Variants in TEX2 observed in about 807,000 individuals in gnomAD.
The protein encoded by TEX2 is testis expressed 2, also known as testis-expressed protein 2.
A neutral mutation model predicts 106.9 loss-of-function variants in TEX2; 53 were observed. That is an observed-to-expected ratio of 0.50 (90% CI 0.40 to 0.62). The LOEUF is 0.62. TEX2 is among the 20% of genes least tolerant of loss of function. TEX2 has a pLI of 0.00. For missense variants in TEX2, 1,207 were observed against 1,379.0 expected (o/e 0.88, Z 1.98); for synonymous variants, 523 against 534.8 (o/e 0.98, Z 0.30).
intron 1 of TEX2, among the ~76,000 whole-genome samples, chr17:64,243,125 C>T (rs1055448253): frequency 4.6e-5 from 7 of 151,720 alleles, no homozygotes; most frequent in Non-Finnish European, 1.0e-4. Flanking sequence ...GACGGGATTT[C>T]ACCATATTGG....
intron 1 of TEX2, among the ~76,000 whole-genome samples, chr17:64,250,156 T>G (rs1555636768): frequency 6.6e-6 from 1 of 152,110 alleles, no homozygotes; most frequent in African/African-American, 2.4e-5. Flanking sequence ...GAAACTGGGG[T>G]GGCCACATCA....
Position 64,169,341 on chromosome 17 carries a change from T to C in TEX2, c.2671+1759A>G, listed in dbSNP as rs373153192. On this transcript the variant is annotated intron_variant, in intron 7 of 11. Transcript: ENST00000584379. Reference sequence around the variant, plus strand: ...GGCGTGAGCCACCGCACTCAGCCAATGCATCTTTTACAATTTTGCATGGGG... The same window carrying C: ...GGCGTGAGCCACCGCACTCAGCCAACGCATCTTTTACAATTTTGCATGGGG... 4.1e-4 allele frequency among the ~76,000 whole-genome samples: 63 copies of C among 152,274 alleles called. 1 individual carries two copies. The highest frequency in any genetic ancestry group is 3.4e-3 in the Middle Eastern group (1 of 294).
chr17:64,156,822 G>A (rs543356380), intron 8 of TEX2, among the ~76,000 whole-genome samples: 63 of 152,342 alleles, frequency 4.1e-4, no homozygotes, highest in African/African-American at 1.5e-3. Flanking sequence ...GGACCCCAGT[G>A]AGATCTGCTG....
chr17:64,234,139 T>C (rs2033717303), intron 1 of TEX2, among the ~76,000 whole-genome samples: 4 of 152,180 alleles, frequency 2.6e-5, no homozygotes, highest in African/African-American at 9.7e-5. Context: ...GAAAAAAGTG[T>C]TTCTCAGCAG....
chr17:64,193,115 T>C (rs1598163055), intron 4 of TEX2, among the ~76,000 whole-genome samples: 1 of 152,324 alleles, frequency 6.6e-6, no homozygotes, highest in Admixed American at 6.5e-5. Flanking sequence ...TCAATCCGAA[T>C]GACCACGATC....
intron 7 of TEX2, among the ~76,000 whole-genome samples, chr17:64,164,490 A>G (rs995048075): frequency 3.3e-5 from 5 of 151,890 alleles, no homozygotes; most frequent in Non-Finnish European, 5.9e-5. Flanking sequence ...ATGTAGTAAG[A>G]CTTAGTCTGT....
At chr17:64,258,759 G>C (rs2034232905) in intron 1 of TEX2, among the ~76,000 whole-genome samples, 1 of 101,548 alleles carries the variant, frequency 9.8e-6, no homozygotes, top group Non-Finnish European at 2.0e-5. Flanking sequence ...TTTTGGAAGA[G>C]AGACTTTTTT....
At chr17:64,238,394 T>C (rs9908868) in intron 1 of TEX2, among the ~76,000 whole-genome samples, 9,748 of 152,330 alleles carry the variant, frequency 0.064, 1,059 homozygotes, top group African/African-American at 0.22. Flanking sequence ...GAAAGTTAAT[T>C]CCATCTACTA....
intron 2 of TEX2, among the ~76,000 whole-genome samples, chr17:64,209,400 G>T (rs2032931680): frequency 6.6e-6 from 1 of 152,090 alleles, no homozygotes; most frequent in Admixed American, 6.5e-5. Flanking sequence ...CCCAACAAAA[G>T]ACTTCAGGCT....
At chr17:64,209,732 A>G (rs2032939330) in intron 2 of TEX2, among the ~76,000 whole-genome samples, 2 of 152,224 alleles carry the variant, frequency 1.3e-5, no homozygotes, top group South Asian at 2.1e-4. Flanking sequence ...GTGGGCCTCC[A>G]TCTGCATGAG....
rs2032719127 is a variant in TEX2, at chr17:64,203,022, G to A, written c.1645-7927C>T. Among the ~76,000 whole-genome samples the A allele has an allele frequency of 2.0e-5, 3 of 152,270 alleles. No individual in the cohort carries two copies. In the South Asian group the frequency reaches 6.2e-4, roughly 32 times the overall value. On this transcript the variant is annotated intron_variant, in intron 2 of 11. Coordinates refer to ENST00000584379, the MANE Select transcript of TEX2 (RefSeq NM_001288732.2). ...GTACAAAACCACAATCTATAAAGGG[G>A]CCATTTAATATTTTAAAAGATTAAA...
chr17:64,233,739 A>T (rs1363526307), intron 1 of TEX2, among the ~76,000 whole-genome samples: 1 of 152,230 alleles, frequency 6.6e-6, no homozygotes, highest in Non-Finnish European at 1.5e-5. Flanking sequence ...AGTGCTTTCT[A>T]ACAGGCTATT....
At position 64,213,338 on chromosome 17, in the gene TEX2, G is replaced by A. The variant is rs1555631986; in HGVS notation, c.880C>T (p.Leu294Phe). Residue 294 changes from leucine to phenylalanine, a missense_variant, in exon 2 of 12, where the codon CTT (leucine) becomes TTT (phenylalanine). This residue lies in a region of TEX2 where 1,067 missense variants were observed against 1,193.6 expected (regional missense o/e 0.89). Coordinates refer to ENST00000584379, the MANE Select transcript of TEX2 (RefSeq NM_001288732.2). The surrounding 1 kb of genome is among the most constrained non-coding windows in gnomAD (Gnocchi z 4.4). ...AAAGGCTCATAGATGACTTCTGAAA[G>A]GCGTCGTTTAGTATCTTCAATTTTA... Reference protein sequence around the residue: ...EAKIEDTKRRLSEVIYEPFQL... With the variant: ...EAKIEDTKRRFSEVIYEPFQL... The A allele has an allele frequency of 6.2e-7, 1 of 1,614,010 alleles. No individual in the cohort carries two copies. Among genetic ancestry groups the A allele is most frequent in the Admixed American group, 1.7e-5 (1 of 60,028 alleles).
intron 5 of TEX2, among the ~76,000 whole-genome samples, chr17:64,180,510 A>C (rs918950370): frequency 3.9e-5 from 6 of 152,238 alleles, no homozygotes; most frequent in African/African-American, 1.4e-4. Flanking sequence ...TGCATCAAAG[A>C]AGCTTTTATG....
At chr17:64,219,736 A>G (rs1210262570) in intron 1 of TEX2, among the ~76,000 whole-genome samples, 2 of 152,120 alleles carry the variant, frequency 1.3e-5, no homozygotes, top group African/African-American at 4.8e-5. Flanking sequence ...AAAAGAAAAC[A>G]TGAGGAACAG....
intron 5 of TEX2, 145 bp downstream of exon 5, chr17:64,188,023 A>T: frequency 1.1e-6 from 1 of 891,226 alleles, no homozygotes; most frequent in South Asian, 1.7e-5. Context: ...TGAGTAGATT[A>T]CAAGTTCCCC....
At chr17:64,192,395 G>A (rs2032331481) in intron 4 of TEX2, among the ~76,000 whole-genome samples, 3 of 152,204 alleles carry the variant, frequency 2.0e-5, no homozygotes, top group Admixed American at 1.3e-4. Context: ...GGCCAGTGTG[G>A]AGTGATGCGG....
Position 64,188,205 on chromosome 17 carries a change from A to G in TEX2, c.2387T>C (p.Leu796Pro), listed in dbSNP as rs1567927350. ...TGTGGGGCTGCTCTCCGCACTCTGC[A>G]GGGGGCTCCTCTGGGGGCTTCGGCT... ...QESRSPQRSP[L>P]QSAESSPTAG... is the part of the protein sequence containing the mutation. The change falls in exon 5 of 12, where the codon CTG (leucine) becomes CCG (proline). Residue 796 changes from leucine to proline, a missense_variant. Around this residue, in one of 3 missense-constraint regions of TEX2, gnomAD observed 1,067 missense variants for 1,193.6 expected, o/e 0.89. Coordinates refer to ENST00000584379, the MANE Select transcript of TEX2 (RefSeq NM_001288732.2). 3 of 1,612,144 alleles carry G rather than the reference A, an allele frequency of 1.9e-6. No homozygotes were observed. The highest frequency in any genetic ancestry group is 2.5e-6 in the Non-Finnish European group (3 of 1,180,012).
intron 5 of TEX2, 50 bp downstream of exon 5, chr17:64,188,117 AT>A: frequency 1.3e-6 from 2 of 1,578,560 alleles, no homozygotes; most frequent in Non-Finnish European, 1.7e-6. Flanking sequence ...GCATGAAGAA[AT>A]GTGTCTAAGT....
Sources: allele counts gnomAD v4.1 joint callset (sites outside exome capture counted in the v4.1 genomes callset), GRCh38; gene constraint gnomAD v4.1.1; regional missense constraint gnomAD v4.1.1; non-coding constraint Gnocchi (gnomAD v3.1); transcripts MANE v1.5; gene names NCBI Gene and HGNC (gene_info 2026-07-23, HGNC 2026-07-21).